The following COL13A1 variants were observed in gnomAD, a reference collection of about 807,000 sequenced individuals.
The protein encoded by COL13A1 is collagen alpha-1(XIII) chain.
COL13A1 carries 89 observed loss-of-function variants against 130.9 expected under a neutral mutation model. The ratio of observed to expected loss-of-function variants is 0.68; its 90% CI spans 0.57 to 0.81. The LOEUF (loss-of-function observed/expected upper bound fraction) is 0.81, where lower values mean the gene tolerates loss of function less well. Ranked by LOEUF, COL13A1 falls within the 30% of genes least tolerant of loss-of-function variation. The pLI is 0.00. For synonymous variants in COL13A1, 402 were observed against 341.6 expected, an observed-to-expected ratio of 1.18 and a Z score of -1.95; for missense variants, 879 against 934.6, an observed-to-expected ratio of 0.94 and a Z score of 0.78.
rs369085349 is a variant in COL13A1, at chr10:69,844,371, C to G, written c.364+21933C>G. Among the ~76,000 whole-genome samples, 19 of 152,314 alleles carry G rather than the reference C, an allele frequency of 1.2e-4. No individual in the cohort carries two copies. The East Asian group carries it at 2.1e-3, about 17-fold the overall frequency. On this transcript the variant is annotated intron_variant, in intron 2 of 40. Transcript: ENST00000645393. ...ATTCTGGGCAAGTTATCTGACCTGC[C>G]TATGCCTCCTGCCTGCTCACACTTC... is the stretch of plus-strand genomic sequence containing the variant.
rs147726546 is a variant in COL13A1, at chr10:69,922,104, C to T, written c.1143+169C>T. ...TTTGTCGAGGGAGAGGTGCCATAGG[C>T]AGGCCCTGATTGGCAAAAATAAAAT... On this transcript the variant is annotated intron_variant, in intron 22 of 40. Coordinates refer to ENST00000645393, the MANE Select transcript of COL13A1 (RefSeq NM_001368882.1). 3.9e-5 allele frequency among the ~76,000 whole-genome samples: 6 copies of T among 152,294 alleles called. No individual in the cohort carries two copies. In the East Asian group the frequency reaches 1.2e-3, roughly 29 times the overall value.
intron 36 of COL13A1, among the ~76,000 whole-genome samples, chr10:69,945,117 C>T (rs946167488): frequency 4.6e-5 from 7 of 152,142 alleles, no homozygotes; most frequent in Admixed American, 2.0e-4. Context: ...GTTCTACACA[C>T]TCAGGGCTCG....
chr10:69,813,564 G>A (rs1436939836), intron 1 of COL13A1, among the ~76,000 whole-genome samples: 2 of 152,164 alleles, frequency 1.3e-5, no homozygotes, highest in South Asian at 2.1e-4. Flanking sequence ...CTGTGATCAG[G>A]TGCCAAGTCC....
intron 2 of COL13A1, among the ~76,000 whole-genome samples, chr10:69,863,931 G>T (rs1859008128): frequency 6.6e-6 from 1 of 152,026 alleles, no homozygotes. Context: ...ACAGAAATTA[G>T]CCAGGTGTGG....
chr10:69,820,807 C>T (rs1022378136), intron 1 of COL13A1, among the ~76,000 whole-genome samples: 2 of 152,194 alleles, frequency 1.3e-5, no homozygotes, highest in Admixed American at 1.3e-4. Flanking sequence ...TCACCTTCCT[C>T]CAGCAGGTGG....
At chr10:69,903,408 A>C (rs2062402441) in intron 15 of COL13A1, among the ~76,000 whole-genome samples, 1 of 152,204 alleles carries the variant, frequency 6.6e-6, no homozygotes, top group South Asian at 2.1e-4. Flanking sequence ...GACTCCAGAG[A>C]GGCCAACTGG....
Position 69,847,674 on chromosome 10 carries a change from A to C in COL13A1, c.365-20124A>C, listed in dbSNP as rs1384079065. 2.0e-5 allele frequency among the ~76,000 whole-genome samples: 3 copies of C among 152,346 alleles called. No individual in the cohort carries two copies. In the South Asian group the frequency reaches 6.2e-4, roughly 32 times the overall value. On this transcript the variant is annotated intron_variant, in intron 2 of 40. Transcript: ENST00000645393. Reference sequence around the variant, plus strand: ...GTATATAAGCCTCCGGCTCTGCAGCATCTCAGCTTGGGAGGAATGGCGTTT... The same window carrying C: ...GTATATAAGCCTCCGGCTCTGCAGCCTCTCAGCTTGGGAGGAATGGCGTTT...
At chr10:69,903,635 C>T (rs1346422487) in intron 15 of COL13A1, among the ~76,000 whole-genome samples, 18 of 152,202 alleles carry the variant, frequency 1.2e-4, no homozygotes, top group Non-Finnish European at 1.6e-4. Context: ...AGGTAAAGGG[C>T]AAAATGCTTT....
chr10:69,918,021 G>A (rs562433522), intron 18 of COL13A1, among the ~76,000 whole-genome samples: 6 of 150,952 alleles, frequency 4.0e-5, no homozygotes, highest in Middle Eastern at 3.4e-3. Flanking sequence ...GTGCCTCCCA[G>A]GAGAGGCCAG....
At chr10:69,863,999 G>A (rs1393953205) in intron 2 of COL13A1, among the ~76,000 whole-genome samples, 3 of 152,064 alleles carry the variant, frequency 2.0e-5, no homozygotes, top group Non-Finnish European at 4.4e-5. Context: ...GCCCAGGGAG[G>A]CTGAGGCTGT....
At chr10:69,934,173 T>C (rs2066522520) in intron 31 of COL13A1, among the ~76,000 whole-genome samples, 3 of 152,318 alleles carry the variant, frequency 2.0e-5, no homozygotes, top group Admixed American at 6.5e-5. Context: ...TTATTCTTTT[T>C]ATTATTTTTA....
At chr10:69,863,067 G>A (rs770134309) in intron 2 of COL13A1, among the ~76,000 whole-genome samples, 1 of 152,314 alleles carries the variant, frequency 6.6e-6, no homozygotes, top group Non-Finnish European at 1.5e-5. Context: ...ACTGAGGCAC[G>A]GGAGGAGCCC....
chr10:69,878,388 G>C (rs1039920609), intron 6 of COL13A1, among the ~76,000 whole-genome samples: 1 of 152,224 alleles, frequency 6.6e-6, no homozygotes, highest in Non-Finnish European at 1.5e-5. Context: ...GGACCCCCGA[G>C]GCTATGGAAT....
intron 22 of COL13A1, 127 bp downstream of exon 22, chr10:69,922,062 A>T: frequency 8.2e-7 from 1 of 1,217,330 alleles, no homozygotes. Context: ...AGGCAGCTGG[A>T]ACACAGCCAG....
At chr10:69,952,261 A>G (rs1049456922) in intron 38 of COL13A1, among the ~76,000 whole-genome samples, 1 of 152,240 alleles carries the variant, frequency 6.6e-6, no homozygotes, top group Non-Finnish European at 1.5e-5. Context: ...AAAGGCACAC[A>G]CATGTGTTCA....
chr10:69,857,627 AC>A (rs1483663233), intron 2 of COL13A1, among the ~76,000 whole-genome samples: 1 of 130,270 alleles, frequency 7.7e-6, no homozygotes, highest in African/African-American at 2.9e-5. Context: ...CATCCCTCCC[AC>A]CCCGAAAAAT....
chr10:69,917,404 G>T (rs913913232), intron 18 of COL13A1, 71 bp downstream of exon 18: 9 of 1,383,108 alleles, frequency 6.5e-6, no homozygotes, highest in Non-Finnish European at 8.1e-6. Flanking sequence ...TCTCTCCTCA[G>T]CTCTGGGGAC....
chr10:69,845,446 G>A (rs999159722), intron 2 of COL13A1, among the ~76,000 whole-genome samples: 56 of 152,200 alleles, frequency 3.7e-4, no homozygotes, highest in African/African-American at 1.3e-3. Flanking sequence ...ACCCACCTCA[G>A]CCTGCCAAAG....
At chr10:69,882,739 G>A (rs1279637245) in intron 7 of COL13A1, among the ~76,000 whole-genome samples, 1 of 152,230 alleles carries the variant, frequency 6.6e-6, no homozygotes, top group African/African-American at 2.4e-5. Context: ...AAGTCCTCCA[G>A]GTGGGTGCCT....
Sources: allele counts gnomAD v4.1 joint callset (sites outside exome capture counted in the v4.1 genomes callset), GRCh38; gene constraint gnomAD v4.1.1; transcripts MANE v1.5; gene names NCBI Gene and HGNC (gene_info 2026-07-23, HGNC 2026-07-21).